The following WASHC2A variants were observed in gnomAD, a reference collection of about 807,000 sequenced individuals.
WASHC2A encodes WASH complex subunit 2A.
A neutral mutation model predicts 140.3 loss-of-function variants in WASHC2A; 82 were observed. The observed-to-expected ratio is 0.58, with a 90% CI of 0.49 to 0.70. The LOEUF is 0.70. Ranked by LOEUF, WASHC2A falls within the 30% of genes least tolerant of loss-of-function variation. The pLI, the probability that WASHC2A is intolerant of heterozygous loss-of-function variation, is 0.00. For missense variants in WASHC2A, 985 were observed against 1,521.8 expected, an observed-to-expected ratio of 0.65 and a Z score of 5.87; for synonymous variants, 340 against 560.8, an observed-to-expected ratio of 0.61 and a Z score of 5.56.
chr10:50,130,913 G>T lies in WASHC2A; in HGVS notation c.3721G>T (p.Ala1241Ser). The T allele has an allele frequency of 1.2e-6, 2 of 1,601,582 alleles. No individual in the cohort carries two copies. The highest frequency in any genetic ancestry group is 8.5e-7 in the Non-Finnish European group (1 of 1,177,426). Residue 1241 changes from alanine to serine, a missense_variant, in exon 30 of 31, where the codon GCT (alanine) becomes TCT (serine). Ala to Ser is a moderately conservative substitution (Grantham distance 99, BLOSUM62 1). Transcript: ENST00000282633. ...TQDIFEDDIF[A>S]TEAIKPSQKT... ...TTGGCTTAACAAGGATGATATATTT[G>T]CTACGGAAGCAATTAAACCCTCTCA... is the stretch of plus-strand genomic sequence containing the variant.
At chr10:50,098,329 C>T (rs1417820391) in intron 16 of WASHC2A, among the ~76,000 whole-genome samples, 1 of 151,978 alleles carries the variant, frequency 6.6e-6, no homozygotes, top group Non-Finnish European at 1.5e-5. Flanking sequence ...ACTGCAATTT[C>T]CTCTCTTGTC....
chr10:50,086,372 G>A (rs1839375565), intron 7 of WASHC2A, among the ~76,000 whole-genome samples: 1 of 151,696 alleles, frequency 6.6e-6, no homozygotes, highest in Non-Finnish European at 1.5e-5. Context: ...GCACTTCTAT[G>A]TGGCACTTCA....
chr10:50,070,866 C>A (rs1224681033), intron 3 of WASHC2A, among the ~76,000 whole-genome samples: 1 of 104,276 alleles, frequency 9.6e-6, no homozygotes, highest in Non-Finnish European at 2.0e-5. Context: ...CCCGTCTCTA[C>A]TAAAAAAATA....
chr10:50,074,925 A>ATAAT (rs1348586506), intron 3 of WASHC2A, among the ~76,000 whole-genome samples: 1 of 141,238 alleles, frequency 7.1e-6, no homozygotes, highest in Non-Finnish European at 1.6e-5. Flanking sequence ...CAAAAAAATA[A>ATAAT]TAATAAATAA....
chr10:50,125,920 T>A, intron 25 of WASHC2A, 137 bp from the exon 26 acceptor site: 1 of 960,326 alleles, frequency 1.0e-6, no homozygotes, highest in Non-Finnish European at 1.5e-6. Flanking sequence ...TCTGAAATGC[T>A]ACCTTTGAGT....
chr10:50,120,444 AC>A (rs1454148252), intron 23 of WASHC2A, among the ~76,000 whole-genome samples: 3 of 146,036 alleles, frequency 2.1e-5, no homozygotes, highest in Non-Finnish European at 3.0e-5. Flanking sequence ...ACATAATGAA[AC>A]CCTGTTTCTA....
intron 26 of WASHC2A, chr10:50,126,574 A>T (rs1420137670): frequency 1.5e-5 from 4 of 275,652 alleles, no homozygotes; most frequent in Non-Finnish European, 2.8e-5. Flanking sequence ...TCCCAAGGTC[A>T]TTGCTGTTGG....
chr10:50,087,510 T>C (rs1277754547), intron 8 of WASHC2A, among the ~76,000 whole-genome samples, 188 bp downstream of exon 8: 2 of 152,052 alleles, frequency 1.3e-5, no homozygotes. Flanking sequence ...CCAATTTTGC[T>C]TTATAGTTTA....
In WASHC2A at chr10:50,129,480, C is replaced by T; in HGVS notation, c.3149C>T (p.Ala1050Val). 5.6e-6 allele frequency: 9 copies of T among 1,612,020 alleles called. No individual in the cohort carries two copies. Among genetic ancestry groups the T allele is most frequent in the Non-Finnish European group, 6.8e-6 (8 of 1,179,864 alleles). The change falls in exon 29 of 31, where the codon GCT becomes GTT. Residue 1050 changes from alanine (A) to valine (V), a missense_variant. Coordinates refer to ENST00000282633, the MANE Select transcript of WASHC2A (RefSeq NM_001005751.3). The part of the protein sequence containing the change: ...PQTRAARRLA[A>V]QESSETEDMS... Reference sequence around the variant, plus strand: ...ACCCGTGCAGCTAGGCGGCTGGCTGCTCAGGAGTCCAGCGAGACTGAGGAC... The same window carrying T: ...ACCCGTGCAGCTAGGCGGCTGGCTGTTCAGGAGTCCAGCGAGACTGAGGAC...
chr10:50,128,554 C>G (rs1843650444), intron 28 of WASHC2A, among the ~76,000 whole-genome samples: 1 of 152,228 alleles, frequency 6.6e-6, no homozygotes, highest in Non-Finnish European at 1.5e-5. Flanking sequence ...AGCGACAGGA[C>G]ACAGAATGAC....
At chr10:50,089,859 C>T (rs1197966943) in intron 8 of WASHC2A, among the ~76,000 whole-genome samples, 68 of 152,030 alleles carry the variant, frequency 4.5e-4, no homozygotes, top group African/African-American at 1.5e-3. Context: ...AATGTAATCC[C>T]AGCGCTTTGG....
At chr10:50,098,271 C>G (rs1473811208) in intron 16 of WASHC2A, among the ~76,000 whole-genome samples, 1 of 152,050 alleles carries the variant, frequency 6.6e-6, no homozygotes, top group Admixed American at 6.6e-5. Flanking sequence ...TGTAAAATCA[C>G]CCCAACAAAT....
chr10:50,128,891 T>TGAATTC (rs1843677214), intron 28 of WASHC2A, among the ~76,000 whole-genome samples: 2 of 151,576 alleles, frequency 1.3e-5, no homozygotes, highest in Non-Finnish European at 2.9e-5. Flanking sequence ...ATTTAACGTT[T>TGAATTC]GAATTCAATG....
At position 50,117,927 on chromosome 10, in the gene WASHC2A, G is replaced by C; in HGVS notation, c.2164G>C (p.Ala722Pro). 2.6e-6 allele frequency: 4 copies of C among 1,535,898 alleles called. No individual in the cohort carries two copies. The highest frequency in any genetic ancestry group is 3.6e-6 in the Non-Finnish European group (4 of 1,122,654). ...ATKKKETVSEAPPLLFSDEEE... is the reference protein window; with the variant it reads ...ATKKKETVSEPPPLLFSDEEE... ...GTAGAAAAAAGAGACTGTCTCTGAG[G>C]CACCACCTTTGCTGTTCAGCGATGA... is the stretch of plus-strand genomic sequence containing the variant. The change falls in exon 22 of 31, where the codon GCA becomes CCA. Residue 722 changes from alanine (A) to proline (P), a missense_variant. Physicochemically the swap from Ala to Pro is conservative, Grantham distance 27 (BLOSUM62 -1). Coordinates refer to ENST00000282633, the MANE Select transcript of WASHC2A (RefSeq NM_001005751.3).
chr10:50,097,983 G>C (rs1840659303), intron 16 of WASHC2A, among the ~76,000 whole-genome samples, 181 bp downstream of exon 16: 1 of 151,556 alleles, frequency 6.6e-6, no homozygotes, highest in Admixed American at 6.6e-5. Flanking sequence ...TCAGTTCTTA[G>C]GGTTTTGGCA....
chr10:50,126,020 T>A, intron 25 of WASHC2A, 37 bp from the exon 26 acceptor site: 1 of 1,608,972 alleles, frequency 6.2e-7, no homozygotes, highest in Non-Finnish European at 8.5e-7. Context: ...ATTTCTAAGA[T>A]ATTTGATGGC....
chr10:50,083,881 G>A (rs1228560401), intron 5 of WASHC2A, among the ~76,000 whole-genome samples, 191 bp from the exon 6 acceptor site: 2 of 120,122 alleles, frequency 1.7e-5, no homozygotes, highest in Non-Finnish European at 3.4e-5. Context: ...CTTTACCTAG[G>A]ATTTGACTTT....
intron 8 of WASHC2A, among the ~76,000 whole-genome samples, chr10:50,088,162 A>G (rs1187648793): frequency 2.6e-5 from 4 of 151,162 alleles, no homozygotes; most frequent in Non-Finnish European, 5.9e-5. Flanking sequence ...GTAAACTTCT[A>G]TACTTTTAAA....
chr10:50,076,442 A>G (rs1161697938), intron 3 of WASHC2A, among the ~76,000 whole-genome samples: 1 of 152,214 alleles, frequency 6.6e-6, no homozygotes, highest in African/African-American at 2.4e-5. Flanking sequence ...AAGAAGTAGA[A>G]TTTTGGGTCA....
Sources: gnomAD v4.1 joint callset for allele counts (sites outside exome capture counted in the v4.1 genomes callset) on GRCh38, gnomAD v4.1.1 for gene constraint, MANE v1.5 for transcripts, NCBI Gene and HGNC (gene_info 2026-07-23, HGNC 2026-07-21) for gene names.